Variants in ELP4 observed in about 807,000 individuals in gnomAD.
ELP4 encodes elongator acetyltransferase complex subunit 4.
A neutral mutation model predicts 48.9 loss-of-function variants in ELP4; 51 were observed. The ratio of observed to expected loss-of-function variants is 1.04; its 90% confidence interval spans 0.83 to 1.32. The LOEUF (loss-of-function observed/expected upper bound fraction) is 1.32. ELP4 is among the 40% of genes most tolerant of loss of function. The probability of loss-of-function intolerance (pLI) is 0.00; values close to 1 mark genes in which losing one functional copy is unlikely to be tolerated. For synonymous variants in ELP4, 210 were observed against 189.2 expected (o/e 1.11, Z -0.90); for missense variants, 519 against 514.6 (o/e 1.01, Z -0.08).
intron 3 of ELP4, among the ~76,000 whole-genome samples, chr11:31,545,919 C>T (rs1276285496): frequency 3.3e-5 from 5 of 151,996 alleles, no homozygotes; most frequent in Non-Finnish European, 1.5e-5. Context: ...AAATCCTTTA[C>T]AGACAAGCAA....
intron 9 of ELP4, among the ~76,000 whole-genome samples, chr11:31,701,528 C>T (rs961170888): frequency 7.3e-5 from 11 of 151,660 alleles, no homozygotes; most frequent in African/African-American, 2.4e-4. Context: ...GATATTGTAT[C>T]CTATTTAAAT....
chr11:31,708,468 C>T (rs1408180735), intron 9 of ELP4, among the ~76,000 whole-genome samples: 1 of 152,126 alleles, frequency 6.6e-6, no homozygotes, highest in East Asian at 1.9e-4. Context: ...TTTTTATTGA[C>T]AGTAACACCT....
At chr11:31,537,595 C>T (rs1956522159) in intron 2 of ELP4, among the ~76,000 whole-genome samples, 2 of 152,154 alleles carry the variant, frequency 1.3e-5, no homozygotes, top group Admixed American at 1.3e-4. Context: ...GGTTAGAAAA[C>T]TTAAAAGTCA....
chr11:31,742,098 T>C (rs1179004527), intron 9 of ELP4, among the ~76,000 whole-genome samples: 1 of 152,090 alleles, frequency 6.6e-6, no homozygotes, highest in East Asian at 1.9e-4. Context: ...ACATGACGAA[T>C]GCAGAAGCCT....
chr11:31,583,142 AT>A (rs1366077571), intron 3 of ELP4, among the ~76,000 whole-genome samples: 1 of 151,866 alleles, frequency 6.6e-6, no homozygotes, highest in East Asian at 1.9e-4. Flanking sequence ...TCCTTTAAAA[AT>A]TTTTCAACCA....
intron 7 of ELP4, chr11:31,646,280 T>G (rs954480342): frequency 2.0e-5 from 3 of 151,848 alleles, no homozygotes; most frequent in Non-Finnish European, 4.4e-5. Context: ...TTATTTTTAC[T>G]GATTCTTTTT....
intron 4 of ELP4, among the ~76,000 whole-genome samples, chr11:31,598,057 G>C (rs938382872): frequency 6.3e-5 from 9 of 143,504 alleles, no homozygotes; most frequent in African/African-American, 1.8e-4. Flanking sequence ...CCGGGTTCAA[G>C]CGATTCTCCT....
chr11:31,749,856 A>ATTT (rs1365172448), intron 9 of ELP4, among the ~76,000 whole-genome samples: 2 of 140,238 alleles, frequency 1.4e-5, no homozygotes, highest in Non-Finnish European at 1.6e-5. Context: ...CCTTTATGAC[A>ATTT]TTTTTTTTTT....
At chr11:31,514,175 C>T (rs1181563460) in intron 1 of ELP4, among the ~76,000 whole-genome samples, 1 of 152,162 alleles carries the variant, frequency 6.6e-6, no homozygotes, top group African/African-American at 2.4e-5. Flanking sequence ...AGTTTATTTG[C>T]TGGCCAGGTG....
intron 5 of ELP4, among the ~76,000 whole-genome samples, chr11:31,607,628 A>G (rs1417483453): frequency 6.6e-6 from 1 of 152,210 alleles, no homozygotes; most frequent in African/African-American, 2.4e-5. Context: ...TTTGTAGGGT[A>G]CACTTTCAAA....
chr11:31,538,168 A>G (rs1956532761), intron 2 of ELP4, among the ~76,000 whole-genome samples: 1 of 151,204 alleles, frequency 6.6e-6, no homozygotes, highest in South Asian at 2.1e-4. Flanking sequence ...TACAATCAAT[A>G]TATTAGTGTA....
At chr11:31,662,256 G>A (rs1436050922) in intron 9 of ELP4, among the ~76,000 whole-genome samples, 1 of 152,072 alleles carries the variant, frequency 6.6e-6, no homozygotes, top group East Asian at 1.9e-4. Flanking sequence ...AGTCTTAATA[G>A]TACTATAAAC....
At position 31,533,683 on chromosome 11, in the gene ELP4, C is replaced by T. The variant is rs1221116398; in HGVS notation, c.260-5979C>T. On this transcript the variant is annotated intron_variant, in intron 2 of 9. Coordinates refer to ENST00000640961, the MANE Select transcript of ELP4 (RefSeq NM_019040.5). Reference sequence around the variant, plus strand: ...GATTACAGGCATGAGCCACCGCGCCCGGCCTGAAAAGTTTTAAGTAGGGAA... The same window carrying T: ...GATTACAGGCATGAGCCACCGCGCCTGGCCTGAAAAGTTTTAAGTAGGGAA... 3.3e-5 allele frequency among the ~76,000 whole-genome samples: 5 copies of T among 151,720 alleles called. No homozygotes were observed. In the East Asian group the frequency reaches 5.9e-4, roughly 18 times the overall value.
At chr11:31,637,947 A>G (rs535696755) in intron 7 of ELP4, among the ~76,000 whole-genome samples, 18 of 151,922 alleles carry the variant, frequency 1.2e-4, no homozygotes, top group African/African-American at 3.9e-4. Context: ...TTGTTTATGC[A>G]TTTTTTAGTA....
intron 9 of ELP4, among the ~76,000 whole-genome samples, chr11:31,721,806 C>T (rs1192343891): frequency 6.6e-6 from 1 of 152,144 alleles, no homozygotes; most frequent in African/African-American, 2.4e-5. Context: ...TCATAGGCTC[C>T]ACGATACGTT....
intron 9 of ELP4, among the ~76,000 whole-genome samples, chr11:31,723,462 AC>A (rs973338956): frequency 1.3e-5 from 2 of 152,048 alleles, no homozygotes; most frequent in African/African-American, 4.8e-5. Flanking sequence ...AGAACATTAA[AC>A]CCCAAACACA....
At chr11:31,537,798 A>C (rs956397365) in intron 2 of ELP4, among the ~76,000 whole-genome samples, 1 of 152,196 alleles carries the variant, frequency 6.6e-6, no homozygotes, top group Non-Finnish European at 1.5e-5. Flanking sequence ...AACACCGGGG[A>C]CTACAATTTG....
chr11:31,590,612 T>G (rs1406639998), intron 3 of ELP4, among the ~76,000 whole-genome samples: 1 of 152,130 alleles, frequency 6.6e-6, no homozygotes, highest in South Asian at 2.1e-4. Flanking sequence ...CCTGGGTAAT[T>G]TATGAAGAGG....
At chr11:31,535,317 A>T (rs919411100) in intron 2 of ELP4, among the ~76,000 whole-genome samples, 36 of 152,164 alleles carry the variant, frequency 2.4e-4, no homozygotes, top group Admixed American at 2.3e-3. Flanking sequence ...TTTATATACA[A>T]TAAAATGCAC....
Sources: gnomAD v4.1 joint callset for allele counts (sites outside exome capture counted in the v4.1 genomes callset) on GRCh38, gnomAD v4.1.1 for gene constraint, MANE v1.5 for transcripts, NCBI Gene and HGNC (gene_info 2026-07-23, HGNC 2026-07-21) for gene names.